The following TRIM37 variants were observed in gnomAD, a reference collection of about 807,000 sequenced individuals.
TRIM37 encodes E3 ubiquitin-protein ligase TRIM37.
Under a neutral mutation model 129.8 loss-of-function variants are expected in TRIM37, and 80 were observed. The observed-to-expected ratio is 0.62, with a 90% CI of 0.51 to 0.74. TRIM37 has a LOEUF of 0.74. Ranked by LOEUF, TRIM37 falls within the 30% of genes least tolerant of loss-of-function variation. TRIM37 has a pLI of 0.00. For missense variants in TRIM37, 1,054 were observed against 1,176.5 expected (o/e 0.90, Z 1.52); for synonymous variants, 389 against 387.1 (o/e 1.00, Z -0.06).
At chr17:59,061,558 T>C (rs928986530) in intron 11 of TRIM37, among the ~76,000 whole-genome samples, 1 of 152,120 alleles carries the variant, frequency 6.6e-6, no homozygotes, top group African/African-American at 2.4e-5. Flanking sequence ...GAATTCCATA[T>C]AAGATTCTGT....
intron 9 of TRIM37, among the ~76,000 whole-genome samples, chr17:59,066,985 T>A (rs2146648128): frequency 6.6e-6 from 1 of 152,346 alleles, no homozygotes; most frequent in South Asian, 2.1e-4. Context: ...TGCTCAAAAA[T>A]TTCTTTTGCG....
intron 3 of TRIM37, among the ~76,000 whole-genome samples, chr17:59,090,891 G>C (rs2044239249): frequency 6.6e-6 from 1 of 152,148 alleles, no homozygotes; most frequent in Non-Finnish European, 1.5e-5. Context: ...CTCCCAAAGT[G>C]CTGGGATTAC....
At chr17:58,979,616 C>T (rs759905697), downstream of TRIM37, among the ~76,000 whole-genome samples, 5 of 152,184 alleles carry the variant, frequency 3.3e-5, no homozygotes, top group Admixed American at 6.6e-5. Context: ...ACTGAATCAA[C>T]CATGTCTTCC....
In TRIM37 at chr17:59,081,198, G is replaced by T. The variant is rs765616272; in HGVS notation, c.391C>A (p.Pro131Thr). 6.2e-7 allele frequency: 1 copy of T among 1,613,736 alleles called. No individual in the cohort carries two copies. The highest frequency in any genetic ancestry group is 2.2e-5 in the East Asian group (1 of 44,840). ...GGMHGGHTFK[P>T]LAEIYEQHVT... ...TGTTGCTCATAAATTTCTGCCAAAG[G>T]TTTAAAGGTATGTCCGCCATGCTAT... The change falls in exon 6 of 24, where the codon CCT becomes ACT. Residue 131 changes from proline to threonine, a missense_variant. This residue lies in a region of TRIM37 where 752 missense variants were observed against 870.8 expected (regional missense o/e 0.86). Coordinates refer to ENST00000262294, the MANE Select transcript of TRIM37 (RefSeq NM_015294.6).
intron 6 of TRIM37, 118 bp from the exon 7 acceptor site, chr17:59,079,995 T>G: frequency 2.6e-6 from 3 of 1,164,508 alleles, no homozygotes; most frequent in Non-Finnish European, 3.7e-6. Flanking sequence ...GAAGGTCAAA[T>G]GGAAATGACC....
At chr17:59,036,028 C>A (rs1266510154) in intron 17 of TRIM37, among the ~76,000 whole-genome samples, 2 of 152,174 alleles carry the variant, frequency 1.3e-5, no homozygotes, top group Non-Finnish European at 2.9e-5. Flanking sequence ...CACTTTGTTA[C>A]AAATTACATA....
At chr17:59,058,131 C>T (rs1258227885) in intron 12 of TRIM37, among the ~76,000 whole-genome samples, 1 of 152,022 alleles carries the variant, frequency 6.6e-6, no homozygotes, top group Non-Finnish European at 1.5e-5. Context: ...GATAAGAAAG[C>T]AAATTATTGT....
At chr17:58,974,941 A>G in the TRIM37 span, among the ~76,000 whole-genome samples, 1 of 152,178 alleles carries the variant, frequency 6.6e-6, no homozygotes, top group African/African-American at 2.4e-5. Context: ...ACTGGAGGGA[A>G]TTATTAGGAA....
chr17:59,020,983 C>T (rs1390663099), intron 19 of TRIM37, among the ~76,000 whole-genome samples: 1 of 152,062 alleles, frequency 6.6e-6, no homozygotes, highest in African/African-American at 2.4e-5. Flanking sequence ...GGTTATATAC[C>T]CAAAAGAAAG....
intron 13 of TRIM37, among the ~76,000 whole-genome samples, chr17:59,051,783 T>C (rs919295890): frequency 3.3e-5 from 5 of 151,094 alleles, no homozygotes; most frequent in Non-Finnish European, 7.4e-5. Flanking sequence ...CAGGCTGGAG[T>C]GCAGTGGCGG....
At chr17:59,077,876 C>T (rs928009449) in intron 7 of TRIM37, among the ~76,000 whole-genome samples, 1 of 148,238 alleles carries the variant, frequency 6.7e-6, no homozygotes, top group Non-Finnish European at 1.5e-5. Flanking sequence ...GTTATCCCAG[C>T]ACTTCGGGAG....
chr17:59,035,421 A>T (rs905363019), intron 17 of TRIM37, among the ~76,000 whole-genome samples: 3 of 152,082 alleles, frequency 2.0e-5, no homozygotes, highest in African/African-American at 7.2e-5. Flanking sequence ...ATTCTATTGG[A>T]AAACAATTTG....
intron 19 of TRIM37, among the ~76,000 whole-genome samples, chr17:59,024,465 T>C (rs1374957124): frequency 1.3e-5 from 2 of 152,110 alleles, no homozygotes; most frequent in African/African-American, 4.8e-5. Flanking sequence ...CCTGAATAAA[T>C]GGAGAGAAGT....
intron 2 of TRIM37, among the ~76,000 whole-genome samples, chr17:59,094,564 G>C (rs1226174411): frequency 6.6e-6 from 1 of 151,914 alleles, no homozygotes; most frequent in African/African-American, 2.4e-5. Flanking sequence ...ACCGCTCTAA[G>C]GGTTAGAGAG....
chr17:59,040,342 T>C (rs915936407), intron 17 of TRIM37, among the ~76,000 whole-genome samples: 2 of 151,972 alleles, frequency 1.3e-5, no homozygotes, highest in African/African-American at 4.8e-5. Flanking sequence ...AGACTAGAAA[T>C]GGCAAAGGAG....
chr17:59,080,779 GA>G (rs984402723), intron 6 of TRIM37, among the ~76,000 whole-genome samples: 14 of 151,982 alleles, frequency 9.2e-5, no homozygotes, highest in Non-Finnish European at 1.8e-4. Flanking sequence ...CGACAAGAGT[GA>G]AACTCCATCT....
chr17:58,987,297 A>G (rs2031909396), intron 24 of TRIM37, among the ~76,000 whole-genome samples: 1 of 152,244 alleles, frequency 6.6e-6, no homozygotes, highest in South Asian at 2.1e-4. Context: ...GGGGTGGCCA[A>G]TTAAGCCAAA....
intron 14 of TRIM37, among the ~76,000 whole-genome samples, chr17:59,050,381 A>AT (rs2040220516): frequency 6.6e-6 from 1 of 152,204 alleles, no homozygotes; most frequent in African/African-American, 2.4e-5. Flanking sequence ...AAGGAACTAA[A>AT]TTTTTAATTT....
intron 16 of TRIM37, among the ~76,000 whole-genome samples, chr17:59,043,019 A>C (rs2039424165): frequency 6.6e-6 from 1 of 152,192 alleles, no homozygotes; most frequent in Non-Finnish European, 1.5e-5. Context: ...TTAGGCTTAA[A>C]ACACTACATT....
Sources: allele counts gnomAD v4.1 joint callset (sites outside exome capture counted in the v4.1 genomes callset), GRCh38; gene constraint gnomAD v4.1.1; regional missense constraint gnomAD v4.1.1; transcripts MANE v1.5; gene names NCBI Gene and HGNC (gene_info 2026-07-23, HGNC 2026-07-21).